NDRG3: variants seen among roughly 807,000 people sequenced by gnomAD.
The protein encoded by NDRG3 is NDRG family member 3.
Under a neutral mutation model 57.2 loss-of-function variants are expected in NDRG3, and 23 were observed. The observed-to-expected ratio is 0.40, with a 90% CI of 0.29 to 0.57. The LOEUF (loss-of-function observed/expected upper bound fraction) is 0.57. NDRG3 is among the 20% of genes least tolerant of loss of function. The pLI is 0.42. For synonymous variants in NDRG3, 132 were observed against 162.6 expected (o/e 0.81, Z 1.43); for missense variants, 384 against 457.3 (o/e 0.84, Z 1.46).
At chr20:36,733,163 AAAAAAAAAATATATATATATAT>A (rs1985396258) in intron 1 of NDRG3, among the ~76,000 whole-genome samples, 1 of 45,540 alleles carries the variant, frequency 2.2e-5, no homozygotes, top group African/African-American at 1.2e-4. Flanking sequence ...AAAAAAAAAA[AAAAAAAAAATATATATATATAT>A]ATATATATAT....
chr20:36,716,437 GCAGAA>G (rs1984281447), intron 2 of NDRG3, among the ~76,000 whole-genome samples: 1 of 150,984 alleles, frequency 6.6e-6, no homozygotes, highest in Non-Finnish European at 1.5e-5. Flanking sequence ...GGAGGCTGAG[GCAGAA>G]GAATCACTTG....
In NDRG3 at chr20:36,746,082, G is replaced by GGCGGCGGCGGCGGCA. The variant is rs1986185100; in HGVS notation, c.-87_-86insTGCCGCCGCCGCCGC. On this transcript the variant is annotated 5_prime_UTR_variant, in exon 1 of 16. Transcript: ENST00000349004. ...CACCCGCCGTCAGTGCAGCAGCAGC[G>GGCGGCGGCGGCGGCA]GCGGCGGCGGCGGCGGCGGCGGCGG... The GGCGGCGGCGGCGGCA allele has an allele frequency of 5.2e-5, 1 of 19,368 alleles. No individual in the cohort carries two copies. Among genetic ancestry groups the GGCGGCGGCGGCGGCA allele is most frequent in the Non-Finnish European group, 7.5e-5 (1 of 13,416 alleles). 1.2% of individuals were successfully genotyped at this position (19,368 alleles called of 1,614,324 possible). A position where few individuals can be genotyped will look rare whatever the true frequency, so the allele number is the denominator to read the frequency against.
At chr20:36,684,939 A>T (rs984229504) in intron 5 of NDRG3, among the ~76,000 whole-genome samples, 1 of 152,180 alleles carries the variant, frequency 6.6e-6, no homozygotes, top group African/African-American at 2.4e-5. Flanking sequence ...ATTGTGGCAT[A>T]TTGTGTAACT....
chr20:36,712,839 G>T (rs1002280799), intron 2 of NDRG3, among the ~76,000 whole-genome samples: 3 of 151,332 alleles, frequency 2.0e-5, no homozygotes, highest in Non-Finnish European at 3.0e-5. Flanking sequence ...CAAGCAATCT[G>T]CCCACCTTGG....
At chr20:36,738,558 C>G (rs1457606180) in intron 1 of NDRG3, among the ~76,000 whole-genome samples, 1 of 151,950 alleles carries the variant, frequency 6.6e-6, no homozygotes, top group African/African-American at 2.4e-5. Context: ...CATAGTGGCT[C>G]ACGCCTGTAA....
Position 36,700,605 on chromosome 20 carries a change from ATC to A in NDRG3, c.93+6365_93+6366del, listed in dbSNP as rs1344275706. On this transcript the variant is annotated intron_variant, in intron 3 of 15. Coordinates refer to ENST00000349004, the MANE Select transcript of NDRG3 (RefSeq NM_032013.4). ...TACCTTTTTGTCTTAGTCAATTATC[ATC>A]TGTTTTACAGGCTCTCTATCCAGTT... 11 of 418,062 alleles carry A rather than the reference ATC, an allele frequency of 2.6e-5. No homozygotes were observed. The East Asian group carries it at 6.6e-4, about 25-fold the overall frequency. 25.9% of individuals were successfully genotyped at this position (418,062 alleles called of 1,614,324 possible). A position where few individuals can be genotyped will look rare whatever the true frequency, so the allele number is the denominator to read the frequency against.
At chr20:36,676,058 G>A (rs1980672813) in intron 8 of NDRG3, among the ~76,000 whole-genome samples, 1 of 151,944 alleles carries the variant, frequency 6.6e-6, no homozygotes, top group African/African-American at 2.4e-5. Flanking sequence ...GGCGAACACG[G>A]TGAAACCCCG....
In NDRG3 at chr20:36,673,568, G is replaced by T. The variant is rs1600872403; in HGVS notation, c.532-2171C>A. Among the ~76,000 whole-genome samples, 5 of 152,128 alleles carry T rather than the reference G, an allele frequency of 3.3e-5. No homozygotes were observed. The South Asian group carries it at 1.0e-3, about 32-fold the overall frequency. ...ACACAGGCGTGCACCACCACACCTG[G>T]CTACGTTTCTGTATTTTTAGTAGAG... On this transcript the variant is annotated intron_variant, in intron 8 of 15. Coordinates refer to ENST00000349004, the MANE Select transcript of NDRG3 (RefSeq NM_032013.4).
At chr20:36,667,110 A>T (rs1979699031) in intron 9 of NDRG3, among the ~76,000 whole-genome samples, 1 of 152,128 alleles carries the variant, frequency 6.6e-6, no homozygotes, top group Non-Finnish European at 1.5e-5. Context: ...TTTAATAACC[A>T]TAAATCTTTA....
At chr20:36,701,282 A>T (rs1409554770) in intron 3 of NDRG3, among the ~76,000 whole-genome samples, 3 of 152,094 alleles carry the variant, frequency 2.0e-5, no homozygotes, top group African/African-American at 7.2e-5. Flanking sequence ...CAGGTCTGTA[A>T]TCCTAGCATT....
At chr20:36,721,641 G>C (rs755023224) in intron 2 of NDRG3, 38 bp downstream of exon 2, 8 of 1,240,664 alleles carry the variant, frequency 6.4e-6, no homozygotes, top group South Asian at 2.6e-5. Flanking sequence ...AGAAGAAAAG[G>C]CTTGTCCATA....
intron 2 of NDRG3, among the ~76,000 whole-genome samples, chr20:36,712,990 G>A (rs1306388568): frequency 6.6e-6 from 1 of 152,068 alleles, no homozygotes; most frequent in African/African-American, 2.4e-5. Flanking sequence ...TGACCTCTGG[G>A]CTCAAGCAAT....
Position 36,662,943 on chromosome 20 carries a change from A to G in NDRG3, c.810+2103T>C, listed in dbSNP as rs1248132615. Among the ~76,000 whole-genome samples, 8 of 152,370 alleles carry G rather than the reference A, an allele frequency of 5.3e-5. No individual in the cohort carries two copies. In the South Asian group the frequency reaches 1.7e-3, roughly 32 times the overall value. On this transcript the variant is annotated intron_variant, in intron 12 of 15. Transcript: ENST00000349004. The stretch of plus-strand genomic sequence containing the variant: ...TTAAAAAAGGCAAATGACTAGATCC[A>G]AGATGAACAGAAATACTAAGCATTG...
intron 1 of NDRG3, among the ~76,000 whole-genome samples, chr20:36,744,013 G>T (rs1224534511): frequency 7.2e-6 from 1 of 139,322 alleles, no homozygotes; most frequent in Non-Finnish European, 1.5e-5. Context: ...CCATTCTCCT[G>T]CCTCAGCCTC....
At chr20:36,735,151 T>C (rs1378100979) in intron 1 of NDRG3, among the ~76,000 whole-genome samples, 3 of 152,106 alleles carry the variant, frequency 2.0e-5, no homozygotes, top group East Asian at 1.9e-4. Flanking sequence ...CATAATGACA[T>C]AGCCAACAAT....
rs1164401199 is a variant in NDRG3, at chr20:36,656,525, T to G, written c.866A>C (p.Asp289Ala). 6.2e-7 allele frequency: 1 copy of G among 1,614,054 alleles called. No individual in the cohort carries two copies. Among genetic ancestry groups the G allele is most frequent in the Non-Finnish European group, 8.5e-7 (1 of 1,179,928 alleles). The stretch of plus-strand genomic sequence containing the variant: ...AACTACCTGGGGCAGTCCCCCACAG[T>G]CCGCCATCTAGAAAAGGAAAAATAT... ...PINTTLLKMA[D>A]CGGLPQVVQP... is the part of the protein sequence containing the mutation. The change falls in exon 14 of 16, where the codon GAC (aspartate) becomes GCC (alanine). Residue 289 changes from aspartate (D) to alanine (A), a missense_variant. Physicochemically the swap from Asp to Ala is moderately radical, Grantham distance 126. Coordinates refer to ENST00000349004, the MANE Select transcript of NDRG3 (RefSeq NM_032013.4).
At chr20:36,669,379 G>C (rs1600866076) in intron 9 of NDRG3, among the ~76,000 whole-genome samples, 1 of 152,126 alleles carries the variant, frequency 6.6e-6, no homozygotes, top group African/African-American at 2.4e-5. Flanking sequence ...ACAGGCGCGT[G>C]CACCACACGT....
intron 13 of NDRG3, among the ~76,000 whole-genome samples, chr20:36,657,467 G>A (rs1028998342): frequency 4.7e-5 from 7 of 147,928 alleles, no homozygotes; most frequent in South Asian, 4.2e-4. Flanking sequence ...CAACCTGGGC[G>A]ACAGAGTCCG....
chr20:36,744,153 C>G (rs1374650769), intron 1 of NDRG3, among the ~76,000 whole-genome samples: 1 of 152,046 alleles, frequency 6.6e-6, no homozygotes, highest in Non-Finnish European at 1.5e-5. Flanking sequence ...CCACCCACCT[C>G]GGCCTCCCAA....
Sources: allele counts gnomAD v4.1 joint callset (sites outside exome capture counted in the v4.1 genomes callset), GRCh38; gene constraint gnomAD v4.1.1; transcripts MANE v1.5; gene names NCBI Gene and HGNC (gene_info 2026-07-23, HGNC 2026-07-21).